CLCA1: variants seen among roughly 807,000 people sequenced by gnomAD.
CLCA1 encodes calcium-activated chloride channel regulator 1.
In CLCA1, 59 loss-of-function variants were observed where a neutral mutation model predicts 85.6. The ratio of observed to expected loss-of-function variants is 0.69; its 90% CI spans 0.56 to 0.86. CLCA1 has a LOEUF of 0.86. Among genes scored for constraint, CLCA1 ranks in the 40% least tolerant of loss-of-function variants. CLCA1 has a pLI of 0.00. For missense variants in CLCA1, 1,022 were observed against 1,101.4 expected (o/e 0.93, Z 1.02); for synonymous variants, 396 against 398.3 (o/e 0.99, Z 0.07).
intron 1 of CLCA1, among the ~76,000 whole-genome samples, chr1:86,469,984 T>C (rs1463799819): frequency 6.6e-6 from 1 of 152,216 alleles, no homozygotes; most frequent in African/African-American, 2.4e-5. Context: ...ACTTTGCATG[T>C]CTTCTGTTCA....
chr1:86,495,109 A>T (rs951558218), intron 11 of CLCA1, among the ~76,000 whole-genome samples: 1 of 151,986 alleles, frequency 6.6e-6, no homozygotes, highest in African/African-American at 2.4e-5. Flanking sequence ...CTGTGAATGA[A>T]TTTCCCACCT....
intron 12 of CLCA1, among the ~76,000 whole-genome samples, chr1:86,498,357 A>AT (rs1172211948): frequency 1.3e-5 from 2 of 152,124 alleles, no homozygotes; most frequent in East Asian, 1.9e-4. Context: ...TATCTAAGAG[A>AT]TAAAAAAAAG....
At chr1:86,475,125 G>C (rs898918233) in intron 3 of CLCA1, among the ~76,000 whole-genome samples, 8 of 152,032 alleles carry the variant, frequency 5.3e-5, no homozygotes, top group South Asian at 2.1e-4. Flanking sequence ...TGAATTGATT[G>C]ACCTGACTGC....
intron 5 of CLCA1, among the ~76,000 whole-genome samples, chr1:86,484,977 G>T (rs1647924176): frequency 6.6e-6 from 1 of 152,166 alleles, no homozygotes; most frequent in Non-Finnish European, 1.5e-5. Context: ...AAATGAGTGA[G>T]AAGTAAGGAA....
chr1:86,468,976 G>A lies in CLCA1; in HGVS notation c.5G>A (p.Gly2Glu). M[G>E]PFKSSVFILI... ...ATCACAGGGAGATGTACAGCAATGG[G>A]GCCATTTAAGAGTTCTGTGTTCATC... The change falls in exon 1 of 14, where the codon GGG (glycine) becomes GAG (glutamate). Residue 2 changes from glycine (G) to glutamate (E), a missense_variant. By Grantham distance (98) the Gly-to-Glu change is moderately conservative (BLOSUM62 -2). Transcript: ENST00000394711. 2 of 1,604,180 alleles carry A rather than the reference G, an allele frequency of 1.2e-6. No individual in the cohort carries two copies. The highest frequency in any genetic ancestry group is 8.5e-7 in the Non-Finnish European group (1 of 1,175,008).
chr1:86,485,705 C>A, intron 6 of CLCA1, 144 bp downstream of exon 6: 1 of 693,160 alleles, frequency 1.4e-6, no homozygotes, highest in Non-Finnish European at 2.4e-6. Flanking sequence ...ATGCCCACTT[C>A]AACTTTGTTC....
intron 8 of CLCA1, among the ~76,000 whole-genome samples, chr1:86,490,304 C>T (rs1482332389): frequency 1.3e-5 from 2 of 152,120 alleles, no homozygotes; most frequent in African/African-American, 4.8e-5. Context: ...AGGGGATGTG[C>T]GTGGGGCATC....
At chr1:86,470,099 T>C (rs1475808325) in intron 1 of CLCA1, among the ~76,000 whole-genome samples, 2 of 152,208 alleles carry the variant, frequency 1.3e-5, no homozygotes, top group African/African-American at 4.8e-5. Flanking sequence ...ATTGGCTCTC[T>C]CTAGATGGAA....
chr1:86,482,359 A>G lies in CLCA1; in HGVS notation c.712A>G (p.Met238Val). ...CCGCCAGACGGAGAAGGCTTCTATAATGTTTGCACAACATGTTGATTCTGT... is the reference window on the plus strand; with the variant it reads ...CCGCCAGACGGAGAAGGCTTCTATAGTGTTTGCACAACATGTTGATTCTGT... ...QSRQTEKASI[M>V]FAQHVDSIVE... The change falls in exon 5 of 14, where the codon ATG (methionine) becomes GTG (valine). Residue 238 changes from methionine (M) to valine (V), a missense_variant. By Grantham distance (21) the Met-to-Val change is conservative. Coordinates refer to ENST00000394711, the MANE Select transcript of CLCA1 (RefSeq NM_001285.4). 6.2e-7 allele frequency: 1 copy of G among 1,614,004 alleles called. No homozygotes were observed. Among genetic ancestry groups the G allele is most frequent in the South Asian group, 1.1e-5 (1 of 91,038 alleles).
Position 86,486,677 on chromosome 1 carries a change from A to G in CLCA1, c.1106A>G (p.Asp369Gly). Residue 369 changes from aspartate to glycine, a missense_variant, in exon 7 of 14, where the codon GAC becomes GGC. Asp to Gly is a moderately conservative substitution (Grantham distance 94, BLOSUM62 -1). Transcript: ENST00000394711. ...CAGATAAACAGTGGCAGTGACAGGG[A>G]CACACTCGCCAAAAGATTACCTGCA... ...LIQINSGSDR[D>G]TLAKRLPAAA... is the part of the protein sequence containing the mutation. 6.2e-7 allele frequency: 1 copy of G among 1,614,142 alleles called. No individual in the cohort carries two copies. Among genetic ancestry groups the G allele is most frequent in the Non-Finnish European group, 8.5e-7 (1 of 1,180,016 alleles).
At chr1:86,483,820 G>A (rs772875075) in intron 5 of CLCA1, among the ~76,000 whole-genome samples, 8 of 152,146 alleles carry the variant, frequency 5.3e-5, no homozygotes, top group African/African-American at 9.7e-5. Flanking sequence ...AATAGATGGT[G>A]TATTAATTCA....
At chr1:86,469,219 C>T (rs1464751751) in intron 1 of CLCA1, 86 bp downstream of exon 1, 6 of 860,342 alleles carry the variant, frequency 7.0e-6, no homozygotes, top group Non-Finnish European at 8.8e-6. Flanking sequence ...TCCAGCTGCA[C>T]GACACTGGCA....
rs531139719 is a variant in CLCA1, at chr1:86,473,520, C to T, written c.266C>T (p.Ala89Val). 2.2e-5 allele frequency: 36 copies of T among 1,611,678 alleles called. No homozygotes were observed. In the Admixed American group the frequency reaches 5.4e-4, roughly 24 times the overall value. Residue 89 changes from alanine (A) to valine (V), a missense_variant, in exon 2 of 14, where the codon GCT becomes GTT. Transcript: ENST00000394711. ...ATTCCTGAAACATGGAAGACAAAGG[C>T]TGACTATGTGAGACCAAAACTTGAG... is the stretch of plus-strand genomic sequence containing the variant. ...ILIPETWKTKADYVRPKLETY... is the reference protein window; with the variant it reads ...ILIPETWKTKVDYVRPKLETY...
At position 86,500,006 on chromosome 1, in the gene CLCA1, G is replaced by A; in HGVS notation, c.2706G>A (p.Met902Ile). The change falls in exon 14 of 14, where the codon ATG becomes ATA. Residue 902 changes from methionine (M) to isoleucine (I), a missense_variant. Coordinates refer to ENST00000394711, the MANE Select transcript of CLCA1 (RefSeq NM_001285.4). ...CTGGCATTCACATTTTAAAAATTAT[G>A]TGGAAGTGGATAGGAGAACTGCAGC... ...TIPGIHILKI[M>I]WKWIGELQLS... is the part of the protein sequence containing the mutation. 1.2e-6 allele frequency: 2 copies of A among 1,612,872 alleles called. No homozygotes were observed. Among genetic ancestry groups the A allele is most frequent in the Non-Finnish European group, 1.7e-6 (2 of 1,178,940 alleles).
At chr1:86,475,970 A>G (rs933299895) in intron 3 of CLCA1, among the ~76,000 whole-genome samples, 3 of 152,172 alleles carry the variant, frequency 2.0e-5, no homozygotes, top group Non-Finnish European at 4.4e-5. Flanking sequence ...ATGGGCCTGG[A>G]AAGGTGAGAA....
Position 86,494,390 on chromosome 1 carries a change from C to T in CLCA1, c.1884C>T (p.Ala628=), listed in dbSNP as rs1648220350. Reference sequence around the variant, plus strand: ...CAATTCTCAGGGCCAGTGTCACAGCCCTGATTGAATCAGTGAATGGAAAAA... The same window carrying T: ...CAATTCTCAGGGCCAGTGTCACAGCTCTGATTGAATCAGTGAATGGAAAAA... ...ASPILRASVT[A]LIESVNGKTV... is the part of the protein sequence containing the mutation. Residue 628 remains alanine, a synonymous_variant, in exon 11 of 14, where the codon GCC becomes GCT. Coordinates refer to ENST00000394711, the MANE Select transcript of CLCA1 (RefSeq NM_001285.4). The T allele has an allele frequency of 6.2e-7, 1 of 1,614,038 alleles. No individual in the cohort carries two copies. The highest frequency in any genetic ancestry group is 1.3e-5 in the African/African-American group (1 of 74,916).
chr1:86,485,534 A>G lies in CLCA1; in HGVS notation c.927A>G (p.Leu309=). Residue 309 remains leucine (L), a synonymous_variant, in exon 6 of 14, where the codon TTA becomes TTG. Coordinates refer to ENST00000394711, the MANE Select transcript of CLCA1 (RefSeq NM_001285.4). ...LLQIGQRIVC[L]VLDKSGSMAT... The stretch of plus-strand genomic sequence containing the variant: ...AGATTGGACAAAGAATTGTGTGTTT[A>G]GTCCTTGACAAATCTGGAAGCATGG... 1 of 1,614,196 alleles carries G rather than the reference A, an allele frequency of 6.2e-7. No homozygotes were observed. Among genetic ancestry groups the G allele is most frequent in the Non-Finnish European group, 8.5e-7 (1 of 1,180,014 alleles).
chr1:86,470,206 T>C (rs1327640343), intron 1 of CLCA1, among the ~76,000 whole-genome samples: 1 of 152,130 alleles, frequency 6.6e-6, no homozygotes, highest in African/African-American at 2.4e-5. Context: ...GAAAACCATC[T>C]CTACAGTGTG....
At chr1:86,496,537 G>A (rs907579159) in intron 12 of CLCA1, among the ~76,000 whole-genome samples, 2 of 152,122 alleles carry the variant, frequency 1.3e-5, no homozygotes, top group Non-Finnish European at 2.9e-5. Context: ...TGGGTTCCAG[G>A]ACTAGTTTTC....
Sources: allele counts gnomAD v4.1 joint callset (sites outside exome capture counted in the v4.1 genomes callset), GRCh38; gene constraint gnomAD v4.1.1; transcripts MANE v1.5; gene names NCBI Gene and HGNC (gene_info 2026-07-23, HGNC 2026-07-21).